Variants in ZNF671 observed in about 807,000 individuals in gnomAD.
ZNF671 encodes hypothetical protein FLJ23506.
In ZNF671, 19 loss-of-function variants were observed where a neutral mutation model predicts 16.6. The observed-to-expected ratio is 1.14, with a 90% CI of 0.80 to 1.68. ZNF671 has a LOEUF of 1.68. Ranked by LOEUF, ZNF671 falls within the 40% of genes most tolerant of loss-of-function variation. ZNF671 has a pLI of 0.00. For missense variants in ZNF671, 637 were observed against 659.8 expected (o/e 0.97, Z 0.38); for synonymous variants, 238 against 236.3 (o/e 1.01, Z -0.06).
intron 1 of ZNF671, among the ~76,000 whole-genome samples, chr19:57,725,747 G>T (rs187523682): frequency 9.1e-4 from 138 of 152,064 alleles, no homozygotes; most frequent in Non-Finnish European, 7.4e-5. Flanking sequence ...GACCAGCCTG[G>T]CCAACATGGT....
chr19:57,721,499 G>T lies in ZNF671; in HGVS notation c.587C>A (p.Ala196Glu). The change falls in exon 4 of 4, where the codon GCA becomes GAA. Residue 196 changes from alanine to glutamate, a missense_variant. Physicochemically the swap from Ala to Glu is moderately radical, Grantham distance 107. Coordinates refer to ENST00000317398, the MANE Select transcript of ZNF671 (RefSeq NM_024833.3). Reference protein sequence around the residue: ...KARQKPYLCGACGKQFWFSTD... With the variant: ...KARQKPYLCGECGKQFWFSTD... Reference sequence around the variant, plus strand: ...ACTGAACCAGAATTGCTTTCCACATGCCCCACACAAGTATGGTTTCTGCCT... The same window carrying T: ...ACTGAACCAGAATTGCTTTCCACATTCCCCACACAAGTATGGTTTCTGCCT... 6.2e-7 allele frequency: 1 copy of T among 1,614,162 alleles called. No individual in the cohort carries two copies. Among genetic ancestry groups the T allele is most frequent in the Non-Finnish European group, 8.5e-7 (1 of 1,180,036 alleles).
At chr19:57,721,879 G>C in intron 3 of ZNF671, 182 bp from the exon 4 acceptor site, 1 of 813,166 alleles carries the variant, frequency 1.2e-6, no homozygotes, top group Non-Finnish European at 1.9e-6. Flanking sequence ...TCATACCATG[G>C]GGGAGTGCCA....
chr19:57,722,076 A>G (rs933076584), intron 3 of ZNF671: 14 of 609,084 alleles, frequency 2.3e-5, no homozygotes, highest in African/African-American at 5.6e-5. Flanking sequence ...TTGCAGGTCA[A>G]TACTGCCAAA....
Position 57,720,763 on chromosome 19 carries a change from A to C in ZNF671, c.1323T>G (p.Asn441Lys). The change falls in exon 4 of 4, where the codon AAT (asparagine) becomes AAG (lysine). Residue 441 changes from asparagine to lysine, a missense_variant. Coordinates refer to ENST00000317398, the MANE Select transcript of ZNF671 (RefSeq NM_024833.3). ...GKAFSQSSHLNVHWRIHSSDY... is the reference protein window; with the variant it reads ...GKAFSQSSHLKVHWRIHSSDY... ...CACTGCTGTGAATTCTCCAGTGTAC[A>C]TTAAGGTGGGAGCTTTGGCTAAAGG... 6.2e-7 allele frequency: 1 copy of C among 1,614,236 alleles called. No individual in the cohort carries two copies. The highest frequency in any genetic ancestry group is 1.1e-5 in the South Asian group (1 of 91,092).
At chr19:57,725,292 C>G (rs755190971) in intron 1 of ZNF671, among the ~76,000 whole-genome samples, 1 of 149,148 alleles carries the variant, frequency 6.7e-6, no homozygotes, top group African/African-American at 2.5e-5. Context: ...CGTGAAACCC[C>G]GTCTCTACCA....
At chr19:57,722,263 T>G in intron 3 of ZNF671, 53 bp downstream of exon 3, 1 of 1,607,258 alleles carries the variant, frequency 6.2e-7, no homozygotes, top group Non-Finnish European at 8.5e-7. Flanking sequence ...CAGTTAATGT[T>G]GCCAGTTTTG....
At position 57,721,710 on chromosome 19, in the gene ZNF671, C is replaced by CAA; in HGVS notation, c.389-15_389-14dup. 1 of 1,604,918 alleles carries CAA rather than the reference C, an allele frequency of 6.2e-7. No homozygotes were observed. Among genetic ancestry groups the CAA allele is most frequent in the Non-Finnish European group, 8.5e-7 (1 of 1,173,510 alleles). ...CCATGCCAACAACCTGAAGAACACACAAATGCTGATTAAATGCATATTTAC... is the reference window on the plus strand; with the variant it reads ...CCATGCCAACAACCTGAAGAACACACAAAAATGCTGATTAAATGCATATTTAC... On this transcript the variant is annotated splice_polypyrimidine_tract_variant and intron_variant, in intron 3 of 3. Coordinates refer to ENST00000317398, the MANE Select transcript of ZNF671 (RefSeq NM_024833.3).
chr19:57,727,386 C>T lies in ZNF671; in HGVS notation c.138+5G>A, dbSNP rs755896970. 5.6e-6 allele frequency: 9 copies of T among 1,595,410 alleles called. No individual in the cohort carries two copies. The highest frequency in any genetic ancestry group is 6.9e-6 in the Non-Finnish European group (8 of 1,166,762). On this transcript the variant is annotated splice_donor_5th_base_variant and intron_variant, in intron 1 of 3. Coordinates refer to ENST00000317398, the MANE Select transcript of ZNF671 (RefSeq NM_024833.3). ...GACTGAGGGCCCGGAGGACGCAGCA[C>T]CCACCCGCGCGGAGTCCGTTAGCTC...
In ZNF671 at chr19:57,720,444, C is replaced by T; in HGVS notation, c.*37G>A. 6.3e-7 allele frequency: 1 copy of T among 1,590,346 alleles called. No homozygotes were observed. Among genetic ancestry groups the T allele is most frequent in the Non-Finnish European group, 8.6e-7 (1 of 1,165,010 alleles). On this transcript the variant is annotated 3_prime_UTR_variant, in exon 4 of 4. Transcript: ENST00000317398. ...TCCCCACCATATAGTAAGTCAGGGG[C>T]ATTGGCCTAAGACTTTCCCCCACAT...
intron 1 of ZNF671, among the ~76,000 whole-genome samples, chr19:57,725,020 G>C (rs142550724): frequency 7.2e-5 from 11 of 152,266 alleles, no homozygotes; most frequent in African/African-American, 2.6e-4. Flanking sequence ...TACATCCTAA[G>C]TTCCAGAGAG....
In ZNF671 at chr19:57,720,340, A is replaced by G; in HGVS notation, c.*141T>C. On this transcript the variant is annotated 3_prime_UTR_variant, in exon 4 of 4. Transcript: ENST00000317398. ...ACTGCTAAGGCCTGTGTCCGGTGTG[A>G]AATTCCCAATGGCGGGTAAGGTTCA... 2 of 1,202,784 alleles carry G rather than the reference A, an allele frequency of 1.7e-6. No homozygotes were observed. The highest frequency in any genetic ancestry group is 2.3e-6 in the Non-Finnish European group (2 of 861,334). The allele number at this position is 1,202,784 out of a possible 1,614,324, so 74.5% of individuals were successfully genotyped here.
At chr19:57,721,897 G>A in intron 3 of ZNF671, 200 bp from the exon 4 acceptor site, 1 of 708,596 alleles carries the variant, frequency 1.4e-6, no homozygotes, top group South Asian at 2.0e-5. Flanking sequence ...CCAATGAAGG[G>A]CCAGGATATA....
intron 2 of ZNF671, 77 bp from the exon 3 acceptor site, chr19:57,722,515 A>G: frequency 6.3e-7 from 1 of 1,584,736 alleles, no homozygotes; most frequent in South Asian, 1.1e-5. Context: ...TCAGGTAAGA[A>G]AAATAACCTG....
intron 2 of ZNF671, among the ~76,000 whole-genome samples, chr19:57,722,995 C>A (rs929922927): frequency 2.0e-5 from 3 of 152,140 alleles, no homozygotes; most frequent in Admixed American, 1.3e-4. Flanking sequence ...AGAAAGCGAA[C>A]AGACCTAGTG....
In ZNF671 at chr19:57,721,137, C is replaced by T. The variant is rs769664902; in HGVS notation, c.949G>A (p.Glu317Lys). The T allele has an allele frequency of 6.8e-6, 11 of 1,614,012 alleles. No homozygotes were observed. The Admixed American group carries it at 1.0e-4, about 15-fold the overall frequency. ...CTTTGGCTGAAGAATTTCCCACATT[C>T]GTTACACTCATAAGGCCTTTCTCCA... The part of the protein sequence containing the change: ...HTGERPYECN[E>K]CGKFFSQSYD... The change falls in exon 4 of 4, where the codon GAA becomes AAA. Residue 317 changes from glutamate to lysine, a missense_variant. Transcript: ENST00000317398.
At chr19:57,727,281 G>A in intron 1 of ZNF671, 110 bp downstream of exon 1, 1 of 1,426,242 alleles carries the variant, frequency 7.0e-7, no homozygotes, top group Non-Finnish European at 9.3e-7. Flanking sequence ...CACCGAGATA[G>A]GACCCCGCCC....
rs1438512606 is a variant in ZNF671, at chr19:57,720,742, G to A, written c.1344C>T (p.Ser448=). 8 of 1,614,200 alleles carry A rather than the reference G, an allele frequency of 5.0e-6. No individual in the cohort carries two copies. The highest frequency in any genetic ancestry group is 1.7e-5 in the Admixed American group (1 of 60,026). The change falls in exon 4 of 4, where the codon AGC becomes AGT. Residue 448 remains serine (S), a synonymous_variant. Coordinates refer to ENST00000317398, the MANE Select transcript of ZNF671 (RefSeq NM_024833.3). ...CACATCTGCTACACTCATAATCACT[G>A]CTGTGAATTCTCCAGTGTACATTAA... is the stretch of plus-strand genomic sequence containing the variant. ...SHLNVHWRIH[S]SDYECSRCGK... is the part of the protein sequence containing the mutation.
At chr19:57,723,093 C>T in intron 2 of ZNF671, 121 bp downstream of exon 2, 1 of 1,349,892 alleles carries the variant, frequency 7.4e-7, no homozygotes, top group East Asian at 2.3e-5. Context: ...GAGGACACTC[C>T]ATACAGCTTA....
rs1294199011 is a variant in ZNF671, at chr19:57,720,372, AG to A, written c.*108del. 2.1e-6 allele frequency: 3 copies of A among 1,437,846 alleles called. No homozygotes were observed. The highest frequency in any genetic ancestry group is 1.9e-6 in the Non-Finnish European group (2 of 1,069,780). 89.1% of individuals were successfully genotyped at this position (1,437,846 alleles called of 1,614,324 possible). ...CAATGGCGGGTAAGGTTCAGCCTCCAGGGGAAGGCTTTCCTGCATCTGCTGC... is the reference window on the plus strand; with the variant it reads ...CAATGGCGGGTAAGGTTCAGCCTCCAGGGAAGGCTTTCCTGCATCTGCTGC... On this transcript the variant is annotated 3_prime_UTR_variant, in exon 4 of 4. Coordinates refer to ENST00000317398, the MANE Select transcript of ZNF671 (RefSeq NM_024833.3).
Sources: allele counts gnomAD v4.1 joint callset (sites outside exome capture counted in the v4.1 genomes callset), GRCh38; gene constraint gnomAD v4.1.1; transcripts MANE v1.5; gene names NCBI Gene and HGNC (gene_info 2026-07-23, HGNC 2026-07-21).